MEGF11: variants seen among roughly 807,000 people sequenced by gnomAD.
MEGF11 encodes the protein multiple epidermal growth factor-like domains protein 11.
In MEGF11, 126 loss-of-function variants were observed where a neutral mutation model predicts 146.6. The ratio of observed to expected loss-of-function variants is 0.86; its 90% confidence interval spans 0.74 to 1.00. The LOEUF (loss-of-function observed/expected upper bound fraction) is 1.00. MEGF11 is among the 50% of genes least tolerant of loss of function. MEGF11 has a pLI of 0.00. For missense variants in MEGF11, 1,509 were observed against 1,521.2 expected (o/e 0.99, Z 0.13); for synonymous variants, 532 against 583.4 (o/e 0.91, Z 1.27).
intron 1 of MEGF11, among the ~76,000 whole-genome samples, chr15:66,252,244 C>T (rs2092383142): frequency 5.5e-5 from 8 of 145,630 alleles, no homozygotes. Context: ...CCCCACCCCC[C>T]ACCGGCCGGG....
At chr15:66,220,030 T>C (rs1178630589) in intron 1 of MEGF11, among the ~76,000 whole-genome samples, 1 of 152,098 alleles carries the variant, frequency 6.6e-6, no homozygotes, top group East Asian at 1.9e-4. Flanking sequence ...TGGATTAGGG[T>C]GGGCCCTAAA....
chr15:66,040,936 T>C (rs1384024328), intron 5 of MEGF11, among the ~76,000 whole-genome samples: 2 of 150,064 alleles, frequency 1.3e-5, no homozygotes, highest in African/African-American at 4.9e-5. Context: ...TCCCCCCCGG[T>C]TTTCACAAAG....
At chr15:65,973,463 A>C (rs1384870506) in intron 7 of MEGF11, among the ~76,000 whole-genome samples, 1 of 152,198 alleles carries the variant, frequency 6.6e-6, no homozygotes, top group South Asian at 2.1e-4. Context: ...ATTAAAAAAT[A>C]ATTTAACCAA....
chr15:66,180,805 G>A (rs575550067), intron 1 of MEGF11, among the ~76,000 whole-genome samples: 9 of 152,224 alleles, frequency 5.9e-5, no homozygotes, highest in South Asian at 4.2e-4. Flanking sequence ...CTAGCTCTAC[G>A]GCCACAATTT....
chr15:65,949,488 T>C (rs1226808690), intron 10 of MEGF11, among the ~76,000 whole-genome samples: 1 of 152,126 alleles, frequency 6.6e-6, no homozygotes. Flanking sequence ...CTTCAAAAAA[T>C]TGCAGCATAA....
At chr15:65,934,315 G>C (rs1383273360) in intron 10 of MEGF11, among the ~76,000 whole-genome samples, 1 of 152,158 alleles carries the variant, frequency 6.6e-6, no homozygotes, top group African/African-American at 2.4e-5. Context: ...GCAGTGGCAC[G>C]ATCTTGGCTC....
intron 5 of MEGF11, among the ~76,000 whole-genome samples, chr15:66,093,976 A>C (rs2086429551): frequency 6.6e-6 from 1 of 152,108 alleles, no homozygotes; most frequent in South Asian, 2.1e-4. Flanking sequence ...AGTCTCACAA[A>C]TCACTTCCTC....
chr15:65,968,878 C>T (rs1301059703), intron 8 of MEGF11, among the ~76,000 whole-genome samples: 2 of 152,162 alleles, frequency 1.3e-5, no homozygotes, highest in Non-Finnish European at 2.9e-5. Context: ...TTATTACACC[C>T]ACTCAACTTT....
chr15:65,927,411 T>C (rs1383679806), intron 13 of MEGF11, among the ~76,000 whole-genome samples: 1 of 152,132 alleles, frequency 6.6e-6, no homozygotes, highest in Non-Finnish European at 1.5e-5. Flanking sequence ...GATACAATGG[T>C]GAATAAGGCA....
chr15:66,100,114 C>T (rs1464417485), intron 4 of MEGF11, among the ~76,000 whole-genome samples: 3 of 152,228 alleles, frequency 2.0e-5, no homozygotes, highest in African/African-American at 7.2e-5. Context: ...CAAGGTCCCC[C>T]TGCCCCCGTG....
chr15:66,186,591 C>T (rs1471292586), intron 1 of MEGF11, among the ~76,000 whole-genome samples: 1 of 152,164 alleles, frequency 6.6e-6, no homozygotes, highest in Non-Finnish European at 1.5e-5. Flanking sequence ...GGGAGCACTC[C>T]CTGTCTCCAT....
At chr15:65,955,018 G>T (rs943009760) in intron 10 of MEGF11, among the ~76,000 whole-genome samples, 5 of 152,092 alleles carry the variant, frequency 3.3e-5, no homozygotes, top group African/African-American at 1.2e-4. Context: ...TTCCTGACTT[G>T]ATCCATGGAG....
intron 5 of MEGF11, among the ~76,000 whole-genome samples, chr15:66,083,416 A>G (rs1301864798): frequency 6.6e-6 from 1 of 152,174 alleles, no homozygotes; most frequent in Non-Finnish European, 1.5e-5. Flanking sequence ...AATAAATAGT[A>G]TTGGGGAAAC....
At chr15:66,067,648 T>A (rs559071957) in intron 5 of MEGF11, among the ~76,000 whole-genome samples, 9 of 152,162 alleles carry the variant, frequency 5.9e-5, no homozygotes, top group South Asian at 2.1e-4. Flanking sequence ...GCTCCCACTG[T>A]AGGGAGGAAT....
intron 9 of MEGF11, 56 bp from the exon 10 acceptor site, chr15:65,957,777 C>G (rs1327316287): frequency 6.4e-7 from 1 of 1,569,668 alleles, no homozygotes; most frequent in Non-Finnish European, 8.7e-7. Flanking sequence ...CAGCCATGTC[C>G]CCGCCCTCTG....
chr15:66,174,198 T>C (rs1426908803), intron 1 of MEGF11, among the ~76,000 whole-genome samples: 1 of 152,150 alleles, frequency 6.6e-6, no homozygotes, highest in Non-Finnish European at 1.5e-5. Context: ...CCTATTTCCA[T>C]GGTCATCTTG....
chr15:66,227,065 C>G (rs1022318172), intron 1 of MEGF11, among the ~76,000 whole-genome samples: 1 of 152,164 alleles, frequency 6.6e-6, no homozygotes, highest in Non-Finnish European at 1.5e-5. Context: ...CTCTGAAAAG[C>G]CTTGTTCTGA....
chr15:65,932,011 C>T (rs2079595944), intron 10 of MEGF11, among the ~76,000 whole-genome samples: 1 of 152,208 alleles, frequency 6.6e-6, no homozygotes, highest in South Asian at 2.1e-4. Context: ...GGATCCTAAA[C>T]TGGCTACCCT....
chr15:66,073,672 T>TGTG (rs2085462452), intron 5 of MEGF11, among the ~76,000 whole-genome samples: 1 of 152,184 alleles, frequency 6.6e-6, no homozygotes, highest in Non-Finnish European at 1.5e-5. Flanking sequence ...GGCTCCTCTT[T>TGTG]GTGGCATGAA....
Sources: gnomAD v4.1 joint callset for allele counts (sites outside exome capture counted in the v4.1 genomes callset) on GRCh38, gnomAD v4.1.1 for gene constraint, MANE v1.5 for transcripts, NCBI Gene and HGNC (gene_info 2026-07-23, HGNC 2026-07-21) for gene names.